The following HMCN1 variants were observed in gnomAD, a reference collection of about 807,000 sequenced individuals.
The protein encoded by HMCN1 is hemicentin-1.
In HMCN1, 321 loss-of-function variants were observed where a neutral mutation model predicts 625.9. That is an observed-to-expected ratio of 0.51 (90% CI 0.47 to 0.56). The LOEUF (loss-of-function observed/expected upper bound fraction) is 0.56. Ranked by LOEUF, HMCN1 falls within the 20% of genes least tolerant of loss-of-function variation. The pLI is 0.00. For missense variants in HMCN1, 6,588 were observed against 6,887.3 expected, an observed-to-expected ratio of 0.96 and a Z score of 1.54; for synonymous variants, 2,425 against 2,417.6, an observed-to-expected ratio of 1.00 and a Z score of -0.09.
intron 15 of HMCN1, among the ~76,000 whole-genome samples, chr1:185,976,657 C>G (rs1210614424): frequency 2.0e-5 from 3 of 152,108 alleles, no homozygotes; most frequent in Admixed American, 6.6e-5. Flanking sequence ...TGACACTTAG[C>G]AAATTAACTA....
In HMCN1 at chr1:186,090,929, A is replaced by T; in HGVS notation, c.9887+12A>T. 6.2e-7 allele frequency: 1 copy of T among 1,610,148 alleles called. No individual in the cohort carries two copies. The stretch of plus-strand genomic sequence containing the variant: ...ACAGAAAGAATCCGGTATGTTTAAA[A>T]ATAATCTTTCCATTATAAATTGTAA... On this transcript the variant is annotated intron_variant, in intron 64 of 106. Coordinates refer to ENST00000271588, the MANE Select transcript of HMCN1 (RefSeq NM_031935.3).
intron 4 of HMCN1, among the ~76,000 whole-genome samples, chr1:185,882,351 T>TG (rs5779263): frequency 1.5e-5 from 1 of 66,228 alleles, no homozygotes; most frequent in African/African-American, 1.1e-4. Context: ...GAAATGAATG[T>TG]TTTTTTTTTT....
intron 38 of HMCN1, 84 bp from the exon 39 acceptor site, chr1:186,039,644 T>A: frequency 7.2e-7 from 1 of 1,387,544 alleles, no homozygotes; most frequent in Non-Finnish European, 1.0e-6. Context: ...AACATAATAT[T>A]GTAGACATTA....
At chr1:186,018,545 C>T (rs1026022632) in intron 34 of HMCN1, among the ~76,000 whole-genome samples, 193 bp downstream of exon 34, 1 of 151,896 alleles carries the variant, frequency 6.6e-6, no homozygotes, top group African/African-American at 2.4e-5. Flanking sequence ...CAAGATGTAT[C>T]ATGTAAATAC....
At chr1:186,079,199 C>T (rs1033894413) in intron 55 of HMCN1, among the ~76,000 whole-genome samples, 2 of 152,186 alleles carry the variant, frequency 1.3e-5, no homozygotes, top group Non-Finnish European at 2.9e-5. Context: ...GCTTTTTGCT[C>T]TGCCTCTGTG....
intron 4 of HMCN1, among the ~76,000 whole-genome samples, chr1:185,872,952 C>T (rs962126896): frequency 6.6e-6 from 1 of 152,056 alleles, no homozygotes; most frequent in Admixed American, 6.6e-5. Context: ...CTCATTAAAA[C>T]TTCTTCCTAA....
intron 1 of HMCN1, among the ~76,000 whole-genome samples, chr1:185,796,808 G>A (rs1295727671): frequency 6.6e-6 from 1 of 152,140 alleles, no homozygotes; most frequent in African/African-American, 2.4e-5. Flanking sequence ...CAATAAACAC[G>A]AGTGCAGATA....
At chr1:185,847,726 G>A (rs1266457807) in intron 2 of HMCN1, among the ~76,000 whole-genome samples, 1 of 152,136 alleles carries the variant, frequency 6.6e-6, no homozygotes, top group East Asian at 1.9e-4. Context: ...GCAAAGGCAG[G>A]AGGATCATTT....
chr1:185,885,085 G>GTT (rs75514680), intron 4 of HMCN1, among the ~76,000 whole-genome samples: 1 of 146,202 alleles, frequency 6.8e-6, no homozygotes, highest in African/African-American at 2.5e-5. Context: ...TTCATTTTAT[G>GTT]TTTTTTTTTT....
intron 20 of HMCN1, among the ~76,000 whole-genome samples, chr1:185,989,110 C>T (rs1652210407): frequency 6.6e-6 from 1 of 151,062 alleles, no homozygotes; most frequent in South Asian, 2.1e-4. Flanking sequence ...CGGGTTCACG[C>T]CATTCTCCTG....
At position 186,151,643 on chromosome 1, in the gene HMCN1, C is replaced by T. The variant is rs770528253; in HGVS notation, c.14796C>T (p.Pro4932=). 9 of 1,612,704 alleles carry T rather than the reference C, an allele frequency of 5.6e-6. No homozygotes were observed. The highest frequency in any genetic ancestry group is 6.8e-6 in the Non-Finnish European group (8 of 1,178,912). ...AMRKIVSILN[P]IYWTTAKEIG... ...GAAAGATAGTTTCTATTCTAAATCC[C>T]ATTTATTGGACAACAGCAAAGGAAA... Residue 4932 remains proline (P), a synonymous_variant, in exon 95 of 107, where the codon CCC becomes CCT. Coordinates refer to ENST00000271588, the MANE Select transcript of HMCN1 (RefSeq NM_031935.3).
chr1:186,037,241 A>G (rs1655894488), intron 36 of HMCN1, among the ~76,000 whole-genome samples: 1 of 152,002 alleles, frequency 6.6e-6, no homozygotes, highest in South Asian at 2.1e-4. Flanking sequence ...GTAATTTTTT[A>G]ATCCTGGATG....
intron 97 of HMCN1, among the ~76,000 whole-genome samples, chr1:186,163,526 A>T (rs1651669067): frequency 6.6e-6 from 1 of 152,098 alleles, no homozygotes; most frequent in African/African-American, 2.4e-5. Context: ...TGTAGACTGG[A>T]GCTGTTCCTA....
chr1:185,803,187 CCAAAAAAAAAAAAAAAG>C (rs1391551370), intron 1 of HMCN1, among the ~76,000 whole-genome samples: 7 of 30,854 alleles, frequency 2.3e-4, no homozygotes, highest in Admixed American at 1.3e-3. Context: ...ATTAGCAGAA[CCAAAAAAAAAAAAAAAG>C]CAAAAAAAAA....
chr1:185,980,241 G>C (rs1453941757), intron 16 of HMCN1, among the ~76,000 whole-genome samples: 1 of 152,072 alleles, frequency 6.6e-6, no homozygotes, highest in Non-Finnish European at 1.5e-5. Flanking sequence ...CATTTATGTG[G>C]CATCATTATG....
chr1:185,790,582 G>A (rs922419197), intron 1 of HMCN1, among the ~76,000 whole-genome samples: 6 of 152,328 alleles, frequency 3.9e-5, no homozygotes, highest in Admixed American at 1.3e-4. Flanking sequence ...GAGGAAAGAC[G>A]TTTGATGTCA....
intron 6 of HMCN1, among the ~76,000 whole-genome samples, chr1:185,917,586 T>C (rs1470388405): frequency 1.3e-5 from 2 of 152,166 alleles, no homozygotes; most frequent in African/African-American, 4.8e-5. Flanking sequence ...GAGGAATATC[T>C]AAGAAAAAAC....
At position 186,069,707 on chromosome 1, in the gene HMCN1, G is replaced by A; in HGVS notation, c.7924G>A (p.Gly2642Arg). Residue 2642 changes from glycine (G) to arginine (R), a missense_variant, in exon 51 of 107, where the codon GGA becomes AGA. Physicochemically the swap from Gly to Arg is moderately radical, Grantham distance 125 (BLOSUM62 -2). Around this residue, in one of 3 missense-constraint regions of HMCN1, gnomAD observed 4,628 missense variants for 4,853.1 expected, o/e 0.95. Transcript: ENST00000271588. ...QILNAQEDNA[G>R]RYSCVATNEA... is the part of the protein sequence containing the mutation. The stretch of plus-strand genomic sequence containing the variant: ...CCTCAATGCACAGGAGGACAATGCT[G>A]GAAGATACTCTTGTGTAGCCACGAA... The A allele has an allele frequency of 6.2e-7, 1 of 1,613,450 alleles. No homozygotes were observed. Among genetic ancestry groups the A allele is most frequent in the South Asian group, 1.1e-5 (1 of 90,864 alleles).
intron 4 of HMCN1, among the ~76,000 whole-genome samples, chr1:185,892,497 T>A (rs1264979251): frequency 1.3e-5 from 2 of 152,132 alleles, no homozygotes; most frequent in Non-Finnish European, 2.9e-5. Flanking sequence ...TTGGTGTGGA[T>A]GTCCTTTCTG....
Sources: allele counts gnomAD v4.1 joint callset (sites outside exome capture counted in the v4.1 genomes callset), GRCh38; gene constraint gnomAD v4.1.1; regional missense constraint gnomAD v4.1.1; transcripts MANE v1.5; gene names NCBI Gene and HGNC (gene_info 2026-07-23, HGNC 2026-07-21).